Variants in FMN1 observed in about 807,000 individuals in gnomAD.
FMN1 encodes the protein formin 1.
A neutral mutation model predicts 132.4 loss-of-function variants in FMN1; 110 were observed. That is an observed-to-expected ratio of 0.83 (90% CI 0.71 to 0.97). FMN1 has a LOEUF of 0.97. Among genes scored for constraint, FMN1 ranks in the 50% least tolerant of loss-of-function variants. The pLI, the probability that FMN1 is intolerant of heterozygous loss-of-function variation, is 0.00. For missense variants in FMN1, 1,792 were observed against 1,705.3 expected, an observed-to-expected ratio of 1.05 and a Z score of -0.90; for synonymous variants, 722 against 651.7, an observed-to-expected ratio of 1.11 and a Z score of -1.64.
intron 18 of FMN1, among the ~76,000 whole-genome samples, 195 bp downstream of exon 18, chr15:32,804,086 A>C (rs981116387): frequency 6.6e-6 from 1 of 152,136 alleles, no homozygotes; most frequent in Admixed American, 6.5e-5. Context: ...CAGAGACAGA[A>C]AGTAGAACGG....
intron 17 of FMN1, among the ~76,000 whole-genome samples, chr15:32,816,617 A>G (rs1361331455): frequency 6.6e-6 from 1 of 152,204 alleles, no homozygotes; most frequent in South Asian, 2.1e-4. Flanking sequence ...TTTGGGCAAA[A>G]AAGAAAGAAG....
At chr15:33,014,209 C>G (rs2034903717) in intron 6 of FMN1, among the ~76,000 whole-genome samples, 1 of 152,232 alleles carries the variant, frequency 6.6e-6, no homozygotes, top group African/African-American at 2.4e-5. Context: ...ATAAAGGTTA[C>G]AGAATAATGT....
chr15:32,988,051 T>G (rs933359779), intron 7 of FMN1, among the ~76,000 whole-genome samples: 100 of 22,366 alleles, frequency 4.5e-3, no homozygotes, highest in African/African-American at 0.011. Context: ...TCTCTCCAGT[T>G]TTTTTTTTTT....
chr15:32,910,124 C>A (rs895993269), intron 11 of FMN1, among the ~76,000 whole-genome samples: 1 of 152,202 alleles, frequency 6.6e-6, no homozygotes, highest in Non-Finnish European at 1.5e-5. Flanking sequence ...TATTAGCAGT[C>A]CCATTCTTCA....
rs183012496 is a variant in FMN1 at position 32,939,844 on chromosome 15, T to C, written c.3139-13583A>G. On this transcript the variant is annotated intron_variant, in intron 9 of 20. Transcript: ENST00000616417. Reference sequence around the variant, plus strand: ...GTGATAATCTGGGAAATTTTTAGAATCATAAATTGCCTGAAATTATCAGAT... The same window carrying C: ...GTGATAATCTGGGAAATTTTTAGAACCATAAATTGCCTGAAATTATCAGAT... Among the ~76,000 whole-genome samples, 152 of 152,316 alleles carry C rather than the reference T, an allele frequency of 1.0e-3. 1 individual carries two copies. Among genetic ancestry groups the C allele is most frequent in the African/African-American group, 2.4e-3 (100 of 41,586 alleles).
At chr15:33,001,280 TCTCAAA>T (rs2034088598) in intron 7 of FMN1, among the ~76,000 whole-genome samples, 1 of 151,878 alleles carries the variant, frequency 6.6e-6, no homozygotes, top group Non-Finnish European at 1.5e-5. Context: ...TAAGACTCCG[TCTCAAA>T]AAGAAAAAAA....
chr15:33,126,636 GT>G (rs1566939391), intron 4 of FMN1, among the ~76,000 whole-genome samples: 2 of 85,624 alleles, frequency 2.3e-5, no homozygotes, highest in African/African-American at 7.1e-5. Flanking sequence ...GGGCGGAAGT[GT>G]TAAGTTGCAA....
intron 7 of FMN1, among the ~76,000 whole-genome samples, chr15:32,987,177 A>T (rs931656985): frequency 1.4e-4 from 21 of 152,186 alleles, no homozygotes; most frequent in Admixed American, 1.4e-3. Flanking sequence ...TAAGTGTTTC[A>T]AAGGTTAATA....
chr15:32,888,754 C>A (rs1487827817), intron 15 of FMN1, among the ~76,000 whole-genome samples: 1 of 152,036 alleles, frequency 6.6e-6, no homozygotes, highest in Non-Finnish European at 1.5e-5. Flanking sequence ...GATACAATCA[C>A]CCTCCCATCA....
At chr15:32,799,235 G>A (rs1253748013) in intron 18 of FMN1, among the ~76,000 whole-genome samples, 1 of 152,122 alleles carries the variant, frequency 6.6e-6, no homozygotes, top group Non-Finnish European at 1.5e-5. Context: ...AAAACGTCTC[G>A]AGTTTGTTCT....
intron 5 of FMN1, among the ~76,000 whole-genome samples, chr15:33,076,554 G>T (rs1487961602): frequency 2.0e-5 from 3 of 152,120 alleles, no homozygotes; most frequent in Admixed American, 2.0e-4. Flanking sequence ...TGGATGGGAG[G>T]AGCATGCATG....
rs16958702 is a variant in FMN1 at position 32,773,609 on chromosome 15, T to G, written c.*701A>C. 0.18 allele frequency: 27,854 copies of G among 152,004 alleles called. 3,188 individuals carry two copies. Among genetic ancestry groups the G allele is most frequent in the East Asian group, 0.61 (3,163 of 5,160 alleles). 9.4% of individuals were successfully genotyped at this position (152,004 alleles called of 1,614,324 possible). On this transcript the variant is annotated 3_prime_UTR_variant, in exon 21 of 21. Coordinates refer to ENST00000616417, the MANE Select transcript of FMN1 (RefSeq NM_001277313.2). ...TGTAAAAACAAGAATGGGCCTCACT[T>G]AACAACTGATGTCAACTCCTTGCAT... is the stretch of plus-strand genomic sequence containing the variant.
At position 32,798,848 on chromosome 15, in the gene FMN1, G is replaced by A; in HGVS notation, c.4086C>T (p.Phe1362=). Residue 1362 remains phenylalanine, a synonymous_variant, in exon 19 of 21, where the codon TTC becomes TTT. Transcript: ENST00000616417. The part of the protein sequence containing the change: ...FMVWYEFCSD[F]KTIWKRESKN... ...TACTCTCCCGTTTCCAAATTGTCTT[G>A]AAGTCACTGCAGAACTCATACCACA... 6.2e-7 allele frequency: 1 copy of A among 1,613,672 alleles called. No individual in the cohort carries two copies. Among genetic ancestry groups the A allele is most frequent in the Non-Finnish European group, 8.5e-7 (1 of 1,179,748 alleles).
intron 4 of FMN1, among the ~76,000 whole-genome samples, chr15:33,100,181 T>C (rs1057025642): frequency 1.1e-4 from 14 of 125,342 alleles, no homozygotes; most frequent in East Asian, 7.0e-4. Flanking sequence ...TTTGGTAGAA[T>C]AGAATATTTT....
chr15:32,993,396 T>C (rs2033561762), intron 7 of FMN1, among the ~76,000 whole-genome samples: 1 of 152,174 alleles, frequency 6.6e-6, no homozygotes, highest in Non-Finnish European at 1.5e-5. Flanking sequence ...GGTCATGCCA[T>C]ATATAGTTTT....
intron 3 of FMN1, among the ~76,000 whole-genome samples, chr15:33,168,806 T>C (rs10519800): frequency 0.82 from 124,841 of 152,182 alleles, 51,739 homozygotes; most frequent in Middle Eastern, 0.92. Context: ...TAGCCGCTAT[T>C]CCTTGATATT....
intron 12 of FMN1, chr15:32,908,279 G>A: frequency 2.1e-6 from 1 of 487,224 alleles, no homozygotes. Context: ...TGGGGGAGGG[G>A]GGTGAGACAC....
At chr15:32,935,149 C>T (rs1049449057) in intron 9 of FMN1, among the ~76,000 whole-genome samples, 1 of 152,164 alleles carries the variant, frequency 6.6e-6, no homozygotes, top group Non-Finnish European at 1.5e-5. Context: ...TCTCAAACTC[C>T]TGACCTTGTG....
chr15:33,038,811 A>T (rs1382126858), intron 6 of FMN1, among the ~76,000 whole-genome samples: 1 of 152,208 alleles, frequency 6.6e-6, no homozygotes, highest in Non-Finnish European at 1.5e-5. Flanking sequence ...GTTCCATTTA[A>T]ACTAAAGAGT....
Sources: gnomAD v4.1 joint callset for allele counts (sites outside exome capture counted in the v4.1 genomes callset) on GRCh38, gnomAD v4.1.1 for gene constraint, MANE v1.5 for transcripts, NCBI Gene and HGNC (gene_info 2026-07-23, HGNC 2026-07-21) for gene names.